The following ZNF532 variants were observed in gnomAD, a reference collection of about 807,000 sequenced individuals.
ZNF532 encodes zinc finger protein 532.
ZNF532 carries 22 observed loss-of-function variants against 89.3 expected under a neutral mutation model. The ratio of observed to expected loss-of-function variants is 0.25; its 90% CI spans 0.18 to 0.35. The LOEUF is 0.35. Ranked by LOEUF, ZNF532 falls within the 10% of genes least tolerant of loss-of-function variation. The pLI, the probability that ZNF532 is intolerant of heterozygous loss-of-function variation, is 1.00. For synonymous variants in ZNF532, 606 were observed against 649.6 expected, an observed-to-expected ratio of 0.93 and a Z score of 1.02; for missense variants, 1,132 against 1,643.4, an observed-to-expected ratio of 0.69 and a Z score of 5.38.
chr18:58,957,457 T>C (rs528144689), intron 7 of ZNF532, among the ~76,000 whole-genome samples: 5 of 148,190 alleles, frequency 3.4e-5, no homozygotes, highest in African/African-American at 1.2e-4. Context: ...ACTTGGGGAA[T>C]AATCTAAACG....
At chr18:58,863,164 C>A (rs1602391575), upstream of ZNF532, 1 of 152,222 alleles carries the variant, frequency 6.6e-6, no homozygotes, top group African/African-American at 2.4e-5. Context: ...TCCTTCCACT[C>A]GAGTAAGTCG....
intron 2 of ZNF532, among the ~76,000 whole-genome samples, chr18:58,876,931 G>A (rs897153856): frequency 1.3e-5 from 2 of 152,160 alleles, no homozygotes; most frequent in African/African-American, 4.8e-5. Context: ...GTGGTGGTGT[G>A]CACCCGTAGT....
At chr18:58,977,534 A>G (rs920367973) in intron 7 of ZNF532, 2 of 152,174 alleles carry the variant, frequency 1.3e-5, no homozygotes, top group African/African-American at 4.8e-5. Context: ...TCAAGCGGTT[A>G]TGGGAAAATG....
At chr18:58,928,661 G>T (rs1454718336) in intron 3 of ZNF532, among the ~76,000 whole-genome samples, 1 of 152,186 alleles carries the variant, frequency 6.6e-6, no homozygotes, top group Non-Finnish European at 1.5e-5. Flanking sequence ...ACCTTGTGGG[G>T]ATCACTACCT....
chr18:58,980,321 A>G (rs902648943), intron 8 of ZNF532: 1 of 152,248 alleles, frequency 6.6e-6, no homozygotes, highest in Non-Finnish European at 1.5e-5. Context: ...CTGGCCCATA[A>G]TGCTTCACTG....
At chr18:58,917,469 G>A (rs1046503321) in intron 2 of ZNF532, among the ~76,000 whole-genome samples, 1 of 152,134 alleles carries the variant, frequency 6.6e-6, no homozygotes, top group Non-Finnish European at 1.5e-5. Flanking sequence ...CCCTGCAGTG[G>A]AGGCTTTATC....
chr18:58,959,512 A>G (rs1403571830), intron 7 of ZNF532, among the ~76,000 whole-genome samples: 1 of 152,030 alleles, frequency 6.6e-6, no homozygotes, highest in Non-Finnish European at 1.5e-5. Flanking sequence ...TCGGCCTCCC[A>G]AAGTGCTGGG....
intron 5 of ZNF532, among the ~76,000 whole-genome samples, chr18:58,947,260 C>G (rs961894087): frequency 6.6e-6 from 1 of 152,112 alleles, no homozygotes; most frequent in Non-Finnish European, 1.5e-5. Flanking sequence ...AGGCAGAGGC[C>G]GGCAGCAGGG....
intron 2 of ZNF532, among the ~76,000 whole-genome samples, chr18:58,877,530 C>G (rs2057529752): frequency 6.6e-6 from 1 of 152,230 alleles, no homozygotes; most frequent in African/African-American, 2.4e-5. Context: ...TTCCCCATCT[C>G]TCTACAAGAA....
At chr18:58,936,090 C>T (rs1290758909) in intron 4 of ZNF532, among the ~76,000 whole-genome samples, 5 of 152,154 alleles carry the variant, frequency 3.3e-5, no homozygotes, top group Non-Finnish European at 7.4e-5. Context: ...GCTTGGAAAT[C>T]AAGAAACCAG....
intron 2 of ZNF532, among the ~76,000 whole-genome samples, chr18:58,892,129 C>T (rs1334754644): frequency 6.6e-6 from 1 of 152,058 alleles, no homozygotes; most frequent in Non-Finnish European, 1.5e-5. Context: ...TTTCTCTCAT[C>T]TTTCATTTTA....
At position 58,953,792 on chromosome 18, in the gene ZNF532, A is replaced by T; in HGVS notation, c.3143A>T (p.His1048Leu). The change falls in exon 7 of 10, where the codon CAC (histidine) becomes CTC (leucine). Residue 1048 changes from histidine to leucine, a missense_variant. His to Leu is a moderately conservative substitution (Grantham distance 99). Around this residue, in one of 9 missense-constraint regions of ZNF532, gnomAD observed 415 missense variants for 604.8 expected, o/e 0.69. Transcript: ENST00000591808. ...TACATATCCCACGTGAGGAAGGAGC[A>T]CGGGAAGGTCAGTAAAGAATGAAAG... Reference protein sequence around the residue: ...DVYISHVRKEHGKQMKKHPCR... With the variant: ...DVYISHVRKELGKQMKKHPCR... 1 of 1,612,150 alleles carries T rather than the reference A, an allele frequency of 6.2e-7. No individual in the cohort carries two copies. The highest frequency in any genetic ancestry group is 8.5e-7 in the Non-Finnish European group (1 of 1,178,452).
At chr18:58,942,924 A>G (rs1474533763) in intron 5 of ZNF532, among the ~76,000 whole-genome samples, 2 of 152,172 alleles carry the variant, frequency 1.3e-5, no homozygotes, top group African/African-American at 2.4e-5. Context: ...CGTTTTTCTT[A>G]GAGAACATAT....
intron 2 of ZNF532, among the ~76,000 whole-genome samples, chr18:58,866,429 C>T (rs2056468228): frequency 6.6e-6 from 1 of 152,160 alleles, no homozygotes; most frequent in Admixed American, 6.6e-5. Context: ...GCCTTGGGTT[C>T]CTTGTGAAAA....
rs555843245 is a variant in ZNF532, at chr18:58,974,101, T to C, written c.3151-4954T>C. 2.0e-5 allele frequency among the ~76,000 whole-genome samples: 3 copies of C among 152,360 alleles called. No homozygotes were observed. In the South Asian group the frequency reaches 6.2e-4, roughly 32 times the overall value. On this transcript the variant is annotated intron_variant, in intron 7 of 9. Coordinates refer to ENST00000591808, the MANE Select transcript of ZNF532 (RefSeq NM_001375912.1). ...CTCTACTTTTAAAAAAGTGATTTTA[T>C]AAACTATATCTCAATAAGCTCAGTT... is the stretch of plus-strand genomic sequence containing the variant.
In ZNF532 at chr18:58,945,523, G is replaced by A. The variant is rs112392037; in HGVS notation, c.2706-2544G>A. On this transcript the variant is annotated intron_variant, in intron 5 of 9. Coordinates refer to ENST00000591808, the MANE Select transcript of ZNF532 (RefSeq NM_001375912.1). ...CAGAATGATAGCTACGTAAATAGAT[G>A]GTCTCCTGTTTTACACTTCCTGTTG... is the stretch of plus-strand genomic sequence containing the variant. 7.4e-3 allele frequency among the ~76,000 whole-genome samples: 1,119 copies of A among 152,148 alleles called. 12 individuals carry two copies. Among genetic ancestry groups the A allele is most frequent in the African/African-American group, 0.025 (1,050 of 41,498 alleles).
chr18:58,930,485 A>C (rs952317706), intron 3 of ZNF532, among the ~76,000 whole-genome samples: 3 of 152,098 alleles, frequency 2.0e-5, no homozygotes, highest in Non-Finnish European at 4.4e-5. Flanking sequence ...AAAATTAGCC[A>C]GGCATGGCGG....
At chr18:58,884,979 G>GTTTT (rs34689408) in intron 2 of ZNF532, among the ~76,000 whole-genome samples, 1 of 138,104 alleles carries the variant, frequency 7.2e-6, no homozygotes, top group Non-Finnish European at 1.6e-5. Context: ...CAGTACAAGG[G>GTTTT]TTTTTTTTTT....
intron 2 of ZNF532, among the ~76,000 whole-genome samples, chr18:58,868,510 C>G (rs1486755271): frequency 6.6e-6 from 1 of 152,186 alleles, no homozygotes; most frequent in Non-Finnish European, 1.5e-5. Flanking sequence ...CATCCACTGT[C>G]TCACTATAGG....
Sources: allele counts gnomAD v4.1 joint callset (sites outside exome capture counted in the v4.1 genomes callset), GRCh38; gene constraint gnomAD v4.1.1; regional missense constraint gnomAD v4.1.1; transcripts MANE v1.5; gene names NCBI Gene and HGNC (gene_info 2026-07-23, HGNC 2026-07-21).